Variants in ZNF615 observed in about 807,000 individuals in gnomAD.
ZNF615 encodes the protein zinc finger protein 615.
In ZNF615, 15 loss-of-function variants were observed where a neutral mutation model predicts 15.3. The observed-to-expected ratio is 0.98, with a 90% CI of 0.66 to 1.51. The LOEUF (loss-of-function observed/expected upper bound fraction) is 1.51. Ranked by LOEUF, ZNF615 falls within the 40% of genes most tolerant of loss-of-function variation. The pLI, the probability that ZNF615 is intolerant of heterozygous loss-of-function variation, is 0.00. For missense variants in ZNF615, 848 were observed against 895.9 expected, an observed-to-expected ratio of 0.95 and a Z score of 0.68; for synonymous variants, 268 against 294.6, an observed-to-expected ratio of 0.91 and a Z score of 0.92.
chr19:51,994,145 T>C lies in ZNF615; in HGVS notation c.964A>G (p.Thr322Ala), dbSNP rs768369772. 1.2e-6 allele frequency: 2 copies of C among 1,614,072 alleles called. No homozygotes were observed. Among genetic ancestry groups the C allele is most frequent in the Admixed American group, 3.3e-5 (2 of 60,032 alleles). Reference sequence around the variant, plus strand: ...CTGCATCCATGGGGTTTCTCTCCTGTATGAGTTCGTTGATGATAAATGAGC... The same window carrying C: ...CTGCATCCATGGGGTTTCTCTCCTGCATGAGTTCGTTGATGATAAATGAGC... The part of the protein sequence containing the change: ...CRLIYHQRTH[T>A]GEKPHGCSVC... Residue 322 changes from threonine to alanine, a missense_variant, in exon 7 of 7, where the codon ACA becomes GCA. Coordinates refer to ENST00000598071, the MANE Select transcript of ZNF615 (RefSeq NM_001199324.2).
At chr19:51,996,883 T>C (rs139676012) in intron 6 of ZNF615, among the ~76,000 whole-genome samples, 1 of 152,310 alleles carries the variant, frequency 6.6e-6, no homozygotes, top group East Asian at 1.9e-4. Context: ...TAAAATAGAT[T>C]TTAAGTGTTC....
At chr19:52,000,119 G>T in intron 6 of ZNF615, 1 of 382,906 alleles carries the variant, frequency 2.6e-6, no homozygotes, top group Non-Finnish European at 4.6e-6. Context: ...AAATAACTCA[G>T]AAACAGAAAA....
At chr19:52,002,329 A>C (rs1384077729) in intron 3 of ZNF615, 48 bp from the exon 4 acceptor site, 4 of 1,612,504 alleles carry the variant, frequency 2.5e-6, no homozygotes, top group African/African-American at 1.3e-5. Context: ...TTTTGGTGAT[A>C]GGAAAAGAAT....
At chr19:52,007,166 C>T (rs2086775525) in intron 2 of ZNF615, 127 bp downstream of exon 2, 1 of 501,154 alleles carries the variant, frequency 2.0e-6, no homozygotes, top group Admixed American at 3.7e-5. Flanking sequence ...TAATATAAAG[C>T]GAAAAAGATA....
At chr19:52,007,177 A>C (rs1419637858) in intron 2 of ZNF615, 116 bp downstream of exon 2, 4 of 563,286 alleles carry the variant, frequency 7.1e-6, no homozygotes, top group Non-Finnish European at 1.1e-5. Context: ...GAAAAAGATA[A>C]TAGTACCATT....
chr19:52,007,264 A>C, intron 2 of ZNF615, 29 bp downstream of exon 2: 1 of 1,273,534 alleles, frequency 7.9e-7, no homozygotes. Flanking sequence ...AAAATTTGAC[A>C]AAGGTTATCT....
At chr19:52,001,735 C>G in intron 5 of ZNF615, 78 bp downstream of exon 5, 1 of 1,207,140 alleles carries the variant, frequency 8.3e-7, no homozygotes, top group Non-Finnish European at 1.2e-6. Flanking sequence ...CTCAGATGCC[C>G]TCACTGCTTT....
Position 51,992,496 on chromosome 19 carries a change from AGGGG to A in ZNF615, c.*380_*383del, listed in dbSNP as rs72077294. ...AACATTTTACTGAAAACCCTGCCAC[AGGGG>A]TTTGCCAGAGGAAAGTATTTCTCCA... On this transcript the variant is annotated 3_prime_UTR_variant, in exon 7 of 7. Transcript: ENST00000598071. 62,969 of 165,048 alleles carry A rather than the reference AGGGG, an allele frequency of 0.38. 13,587 individuals are homozygous for A. The highest frequency in any genetic ancestry group is 0.58 in the African/African-American group (24,315 of 41,814). The allele number at this position is 165,048 out of a possible 1,614,324, so 10.2% of individuals were successfully genotyped here. A position where few individuals can be genotyped will look rare whatever the true frequency, so the allele number is the denominator to read the frequency against.
intron 6 of ZNF615, among the ~76,000 whole-genome samples, chr19:51,999,536 G>A (rs2086532400): frequency 6.6e-6 from 1 of 152,084 alleles, no homozygotes; most frequent in Non-Finnish European, 1.5e-5. Flanking sequence ...ATTGATTGTG[G>A]TATGGTTACA....
chr19:52,006,395 C>T (rs1600021519), intron 2 of ZNF615, among the ~76,000 whole-genome samples: 1 of 152,100 alleles, frequency 6.6e-6, no homozygotes. Flanking sequence ...ACAAGTAAAG[C>T]GACACAAGTT....
chr19:51,996,397 A>AC (rs2086434403), intron 6 of ZNF615, among the ~76,000 whole-genome samples: 2 of 150,158 alleles, frequency 1.3e-5, no homozygotes, highest in South Asian at 4.3e-4. Context: ...AAAAAAAAAA[A>AC]AAAAAAAAAA....
rs138390837 is a variant in ZNF615, at chr19:51,994,200, T to C, written c.909A>G (p.Gln303=). 6.9e-5 allele frequency: 111 copies of C among 1,614,040 alleles called. No homozygotes were observed. In the African/African-American group the frequency reaches 7.2e-4, roughly 10 times the overall value. The stretch of plus-strand genomic sequence containing the variant: ...ACTTCTTGATGAAGGCTTTCCCACA[T>C]TGGCTACATGTGTAAGGTTTCCCTC... ...HMGGKPYTCS[Q]CGKAFIKKCR... The change falls in exon 7 of 7, where the codon CAA becomes CAG. Residue 303 remains glutamine (Q), a synonymous_variant. Coordinates refer to ENST00000598071, the MANE Select transcript of ZNF615 (RefSeq NM_001199324.2).
chr19:51,991,772 T>A lies in ZNF615; in HGVS notation c.*1108A>T, dbSNP rs2086240637. 6.6e-6 allele frequency: 1 copy of A among 152,092 alleles called. No individual in the cohort carries two copies. Among genetic ancestry groups the A allele is most frequent in the African/African-American group, 2.4e-5 (1 of 41,394 alleles). The allele number at this position is 152,092 out of a possible 1,614,324, so 9.4% of individuals were successfully genotyped here. A position where few individuals can be genotyped will look rare whatever the true frequency, so the allele number is the denominator to read the frequency against. ...GCTACATATAAAAAACAAACAAAAA[T>A]GCATGCATGTTAAAACTGGTGATTT... is the stretch of plus-strand genomic sequence containing the variant. On this transcript the variant is annotated 3_prime_UTR_variant, in exon 7 of 7. Coordinates refer to ENST00000598071, the MANE Select transcript of ZNF615 (RefSeq NM_001199324.2).
At chr19:52,005,302 C>A (rs2123086417) in intron 2 of ZNF615, among the ~76,000 whole-genome samples, 1 of 152,078 alleles carries the variant, frequency 6.6e-6, no homozygotes, top group South Asian at 2.1e-4. Flanking sequence ...AGGAGGATGG[C>A]AAATGAAAAC....
chr19:51,997,732 T>A (rs2086482982), intron 6 of ZNF615, among the ~76,000 whole-genome samples: 1 of 152,206 alleles, frequency 6.6e-6, no homozygotes, highest in South Asian at 2.1e-4. Flanking sequence ...ATGCTAGCAA[T>A]GTGATTTATG....
At chr19:52,001,572 T>C (rs1246279141) in intron 5 of ZNF615, among the ~76,000 whole-genome samples, 1 of 148,470 alleles carries the variant, frequency 6.7e-6, no homozygotes, top group Non-Finnish European at 1.5e-5. Context: ...GAGCCAAGAT[T>C]GCGCTACTGC....
chr19:51,992,602 A>T lies in ZNF615; in HGVS notation c.*278T>A. 1 of 331,928 alleles carries T rather than the reference A, an allele frequency of 3.0e-6. No individual in the cohort carries two copies. 20.6% of individuals were successfully genotyped at this position (331,928 alleles called of 1,614,324 possible). A position where few individuals can be genotyped will look rare whatever the true frequency, so the allele number is the denominator to read the frequency against. On this transcript the variant is annotated 3_prime_UTR_variant, in exon 7 of 7. Transcript: ENST00000598071. ...TATAATTATTACATTTCCACGAATT[A>T]GTAGTTTATTCATGATCTATGATCA...
chr19:51,996,407 A>AAAAAAAAAAAAAAAAAC (rs755143397), intron 6 of ZNF615, among the ~76,000 whole-genome samples: 6 of 138,286 alleles, frequency 4.3e-5, no homozygotes, highest in Admixed American at 8.0e-5. Flanking sequence ...AAAAAAAAAA[A>AAAAAAAAAAAAAAAAAC]ACGCAAAACT....
chr19:52,004,002 G>T, intron 2 of ZNF615, 102 bp from the exon 3 acceptor site: 2 of 763,872 alleles, frequency 2.6e-6, no homozygotes, highest in Non-Finnish European at 3.5e-6. Flanking sequence ...ATATCTCTCT[G>T]TTCTTTTATT....
Sources: allele counts gnomAD v4.1 joint callset (sites outside exome capture counted in the v4.1 genomes callset), GRCh38; gene constraint gnomAD v4.1.1; transcripts MANE v1.5; gene names NCBI Gene and HGNC (gene_info 2026-07-23, HGNC 2026-07-21).